Variants in SLC39A11 observed in about 807,000 individuals in gnomAD.
The protein encoded by SLC39A11 is zinc transporter ZIP11.
Under a neutral mutation model 36.1 loss-of-function variants are expected in SLC39A11, and 33 were observed. The ratio of observed to expected loss-of-function variants is 0.91; its 90% CI spans 0.69 to 1.22. SLC39A11 has a LOEUF of 1.22. SLC39A11 is among the 50% of genes most tolerant of loss of function. The probability of loss-of-function intolerance (pLI) is 0.00; values close to 1 mark genes in which losing one functional copy is unlikely to be tolerated. For synonymous variants in SLC39A11, 166 were observed against 170.3 expected (o/e 0.97, Z 0.20); for missense variants, 432 against 430.3 (o/e 1.00, Z -0.03).
chr17:72,774,000 C>T (rs528579668), intron 6 of SLC39A11, among the ~76,000 whole-genome samples: 5 of 152,156 alleles, frequency 3.3e-5, no homozygotes, highest in Non-Finnish European at 4.4e-5. Flanking sequence ...CGAAGCCAGA[C>T]GTGCTAATGG....
At chr17:72,893,646 G>C (rs1326388372) in intron 5 of SLC39A11, among the ~76,000 whole-genome samples, 1 of 152,050 alleles carries the variant, frequency 6.6e-6, no homozygotes, top group Non-Finnish European at 1.5e-5. Flanking sequence ...AAAAATGGGG[G>C]GTTAGGGAGG....
At chr17:73,008,522 C>A (rs2090323758) in intron 4 of SLC39A11, among the ~76,000 whole-genome samples, 1 of 152,160 alleles carries the variant, frequency 6.6e-6, no homozygotes, top group South Asian at 2.1e-4. Context: ...AGATGAGCCA[C>A]CAGCCTGGCT....
chr17:72,886,593 G>C (rs143599010), intron 5 of SLC39A11, among the ~76,000 whole-genome samples: 1 of 152,268 alleles, frequency 6.6e-6, no homozygotes, highest in Non-Finnish European at 1.5e-5. Context: ...TTGTCCGCCA[G>C]CTCCCAGAAT....
intron 5 of SLC39A11, among the ~76,000 whole-genome samples, chr17:72,936,966 GTTCC>G (rs756196068): frequency 1.9e-4 from 29 of 152,306 alleles, no homozygotes; most frequent in Non-Finnish European, 3.5e-4. Context: ...GCATAGCCCA[GTTCC>G]TAACAGGCCA....
chr17:72,880,261 G>A (rs980781826), intron 5 of SLC39A11, among the ~76,000 whole-genome samples: 2 of 152,154 alleles, frequency 1.3e-5, no homozygotes, highest in African/African-American at 4.8e-5. Flanking sequence ...CTCTTCATGG[G>A]GTTTATGAAG....
chr17:72,977,856 G>A (rs1367965270), intron 4 of SLC39A11, among the ~76,000 whole-genome samples: 1 of 152,154 alleles, frequency 6.6e-6, no homozygotes, highest in Non-Finnish European at 1.5e-5. Flanking sequence ...TGGAGAGCAC[G>A]GCCAGCCACC....
intron 5 of SLC39A11, among the ~76,000 whole-genome samples, chr17:72,857,643 ATC>A (rs1465903125): frequency 1.3e-5 from 2 of 152,204 alleles, no homozygotes; most frequent in African/African-American, 4.8e-5. Flanking sequence ...CCTCATCAGC[ATC>A]TGTTATTCTT....
intron 3 of SLC39A11, among the ~76,000 whole-genome samples, chr17:73,074,982 G>T (rs2060275383): frequency 6.6e-6 from 1 of 152,100 alleles, no homozygotes; most frequent in Admixed American, 6.6e-5. Flanking sequence ...ATTCCTAGTT[G>T]GTTCAAGACT....
intron 4 of SLC39A11, among the ~76,000 whole-genome samples, chr17:73,004,529 C>T (rs2090077052): frequency 6.6e-6 from 1 of 152,244 alleles, no homozygotes; most frequent in African/African-American, 2.4e-5. Flanking sequence ...TCCCATCATA[C>T]TGAGAGTTGG....
At position 72,903,935 on chromosome 17, in the gene SLC39A11, T is replaced by G. The variant is rs139168839; in HGVS notation, c.430+43817A>C. 1.0e-3 allele frequency among the ~76,000 whole-genome samples: 153 copies of G among 152,198 alleles called. 1 individual carries two copies. Among genetic ancestry groups the G allele is most frequent in the African/African-American group, 3.6e-3 (149 of 41,524 alleles). On this transcript the variant is annotated intron_variant, in intron 5 of 9. Transcript: ENST00000255559. ...GTGAGCTCCTGGGCAGGAAAAAAAG[T>G]CTGCACCCTCCTGCTAAAACTCTTA...
chr17:72,766,278 C>T lies in SLC39A11; in HGVS notation c.602-29559G>A, dbSNP rs181616346. ...CACTGTCATCCCTTGTTAAGTTGCG[C>T]TATGGGTGGAAAGACAATTAGTCTG... On this transcript the variant is annotated intron_variant, in intron 6 of 9. Coordinates refer to ENST00000255559, the MANE Select transcript of SLC39A11 (RefSeq NM_139177.4). Among the ~76,000 whole-genome samples, 496 of 152,216 alleles carry T rather than the reference C, an allele frequency of 3.3e-3. 8 individuals are homozygous for T. The highest frequency in any genetic ancestry group is 8.1e-4 in the Non-Finnish European group (55 of 68,012).
chr17:73,088,506 T>G, intron 2 of SLC39A11, 151 bp downstream of exon 2: 1 of 606,246 alleles, frequency 1.6e-6, no homozygotes. Context: ...GGTGAGAAAA[T>G]AAGAAGACAG....
At chr17:73,046,395 A>G (rs2059291921) in intron 3 of SLC39A11, among the ~76,000 whole-genome samples, 1 of 152,204 alleles carries the variant, frequency 6.6e-6, no homozygotes, top group South Asian at 2.1e-4. Context: ...GGGAGATGGA[A>G]GGCAGGAGGT....
intron 7 of SLC39A11, among the ~76,000 whole-genome samples, chr17:72,725,048 T>C (rs1401676275): frequency 2.0e-5 from 3 of 152,262 alleles, no homozygotes; most frequent in Non-Finnish European, 4.4e-5. Flanking sequence ...TGTTTGATCC[T>C]GGTCTGGCTT....
At chr17:72,755,722 G>C (rs1219036107) in intron 6 of SLC39A11, among the ~76,000 whole-genome samples, 1 of 152,216 alleles carries the variant, frequency 6.6e-6, no homozygotes, top group African/African-American at 2.4e-5. Flanking sequence ...GGTGCTCAGA[G>C]AATCCCGCCC....
At chr17:72,686,524 A>AC (rs1022500777) in intron 7 of SLC39A11, among the ~76,000 whole-genome samples, 27 of 151,486 alleles carry the variant, frequency 1.8e-4, no homozygotes, top group Non-Finnish European at 3.7e-4. Context: ...TTCCCTCCAG[A>AC]CCCCCCTCTG....
At chr17:73,006,651 A>AAC (rs144245639) in intron 4 of SLC39A11, among the ~76,000 whole-genome samples, 75,592 of 148,964 alleles carry the variant, frequency 0.51, 22,352 homozygotes, top group Middle Eastern at 0.69. Context: ...TCAGTTTGTA[A>AAC]ACACACACAC....
chr17:73,001,283 A>T lies in SLC39A11; in HGVS notation c.306+30273T>A, dbSNP rs182453290. 1.5e-4 allele frequency among the ~76,000 whole-genome samples: 22 copies of T among 151,230 alleles called. No individual in the cohort carries two copies. In the East Asian group the frequency reaches 4.1e-3, roughly 28 times the overall value. On this transcript the variant is annotated intron_variant, in intron 4 of 9. Coordinates refer to ENST00000255559, the MANE Select transcript of SLC39A11 (RefSeq NM_139177.4). ...GTTAGTTAGCCATTTGTTGTGTTAA[A>T]TTCTCTCTGTTCAAATAACTGATAT...
At chr17:72,835,098 G>A (rs1247679000) in intron 6 of SLC39A11, among the ~76,000 whole-genome samples, 2 of 152,180 alleles carry the variant, frequency 1.3e-5, no homozygotes, top group African/African-American at 2.4e-5. Flanking sequence ...GTGTGCTACC[G>A]GCTTCTGCCT....
Sources: allele counts gnomAD v4.1 joint callset (sites outside exome capture counted in the v4.1 genomes callset), GRCh38; gene constraint gnomAD v4.1.1; transcripts MANE v1.5; gene names NCBI Gene and HGNC (gene_info 2026-07-23, HGNC 2026-07-21).